Variants in DMXL2 observed in about 807,000 individuals in gnomAD.
DMXL2 encodes the protein Dmx like 2.
DMXL2 carries 103 observed loss-of-function variants against 331.1 expected under a neutral mutation model. The ratio of observed to expected loss-of-function variants is 0.31; its 90% CI spans 0.27 to 0.37. DMXL2 has a LOEUF of 0.37. Ranked by LOEUF, DMXL2 falls within the 10% of genes least tolerant of loss-of-function variation. The pLI is 1.00. For missense variants in DMXL2, 3,171 were observed against 3,642.9 expected, an observed-to-expected ratio of 0.87 and a Z score of 3.33; for synonymous variants, 1,281 against 1,252.1, an observed-to-expected ratio of 1.02 and a Z score of -0.49.
At chr15:51,619,069 G>A (rs1222991283) in intron 1 of DMXL2, among the ~76,000 whole-genome samples, 1 of 152,122 alleles carries the variant, frequency 6.6e-6, no homozygotes. Flanking sequence ...ATTTTAATAT[G>A]TGCAGTAAAG....
chr15:51,558,257 C>T (rs1041231102), intron 6 of DMXL2, among the ~76,000 whole-genome samples: 5 of 152,080 alleles, frequency 3.3e-5, no homozygotes, highest in Non-Finnish European at 7.4e-5. Context: ...TATTAAGTGC[C>T]TTCACTTCCC....
chr15:51,615,294 G>C (rs962519282), intron 1 of DMXL2, among the ~76,000 whole-genome samples: 25 of 152,176 alleles, frequency 1.6e-4, no homozygotes, highest in Admixed American at 1.2e-3. Context: ...GCTAAATGAA[G>C]ACAGTGTTTC....
chr15:51,469,644 C>T (rs1476218975), intron 29 of DMXL2, among the ~76,000 whole-genome samples: 1 of 152,014 alleles, frequency 6.6e-6, no homozygotes, highest in African/African-American at 2.4e-5. Flanking sequence ...CAGGAGGAAA[C>T]ATTTTTGAAA....
intron 13 of DMXL2, among the ~76,000 whole-genome samples, chr15:51,531,082 T>C (rs1372955250): frequency 6.6e-6 from 1 of 152,172 alleles, no homozygotes; most frequent in African/African-American, 2.4e-5. Flanking sequence ...AAAGCTATCC[T>C]AAGCAAAAAG....
intron 13 of DMXL2, among the ~76,000 whole-genome samples, chr15:51,517,628 T>C (rs1019827373): frequency 6.6e-6 from 1 of 152,350 alleles, no homozygotes; most frequent in African/African-American, 2.4e-5. Flanking sequence ...CAAAACTTTC[T>C]GCTAAAAAGA....
chr15:51,510,850 G>T (rs540581438), intron 15 of DMXL2, among the ~76,000 whole-genome samples: 2 of 152,236 alleles, frequency 1.3e-5, no homozygotes, highest in South Asian at 4.1e-4. Context: ...CAGATACATA[G>T]AACAATGGAA....
At chr15:51,565,610 T>C (rs984207209) in intron 3 of DMXL2, among the ~76,000 whole-genome samples, 1 of 152,250 alleles carries the variant, frequency 6.6e-6, no homozygotes, top group Non-Finnish European at 1.5e-5. Flanking sequence ...TATTGGTCTA[T>C]ACATCTGACT....
At chr15:51,489,861 C>T (rs2042668656) in intron 20 of DMXL2, among the ~76,000 whole-genome samples, 1 of 152,022 alleles carries the variant, frequency 6.6e-6, no homozygotes, top group South Asian at 2.1e-4. Context: ...GTACATATCC[C>T]TTTGATTTAA....
intron 19 of DMXL2, 42 bp downstream of exon 19, chr15:51,494,982 T>C: frequency 7.0e-7 from 1 of 1,431,540 alleles, no homozygotes; most frequent in Non-Finnish European, 9.8e-7. Flanking sequence ...GCTCCAATAT[T>C]AAGTAAAAGT....
chr15:51,553,272 T>G (rs1463321769), intron 6 of DMXL2, among the ~76,000 whole-genome samples: 1 of 152,222 alleles, frequency 6.6e-6, no homozygotes, highest in Non-Finnish European at 1.5e-5. Flanking sequence ...ATGGTGGTGT[T>G]CAAAAGAATA....
At chr15:51,589,001 A>G (rs2052081051) in intron 1 of DMXL2, among the ~76,000 whole-genome samples, 1 of 152,226 alleles carries the variant, frequency 6.6e-6, no homozygotes, top group African/African-American at 2.4e-5. Context: ...AAGCAGGCAC[A>G]GTATGTTCTT....
At chr15:51,568,622 C>T (rs2050450422) in intron 2 of DMXL2, 64 bp from the exon 3 acceptor site, 2 of 1,040,532 alleles carry the variant, frequency 1.9e-6, no homozygotes, top group East Asian at 5.4e-5. Flanking sequence ...TCTTCCTTTT[C>T]ATAATAATGT....
intron 13 of DMXL2, among the ~76,000 whole-genome samples, chr15:51,531,561 T>C (rs907932993): frequency 6.6e-6 from 1 of 151,754 alleles, no homozygotes; most frequent in Non-Finnish European, 1.5e-5. Flanking sequence ...AAGCATAGGA[T>C]ACAATCAGCA....
In DMXL2 at chr15:51,498,539, C is replaced by A; in HGVS notation, c.4672+13G>T. ...TAGGTACAACTTTATAAATTTTTAG[C>A]GAGAATATTTACCTGAGCAACTCTT... On this transcript the variant is annotated intron_variant, in intron 18 of 43. Coordinates refer to ENST00000560891, the MANE Select transcript of DMXL2 (RefSeq NM_001378457.1). 1 of 1,590,144 alleles carries A rather than the reference C, an allele frequency of 6.3e-7. No homozygotes were observed.
At chr15:51,564,302 A>G (rs1318175658) in intron 4 of DMXL2, 42 bp from the exon 5 acceptor site, 1 of 1,436,548 alleles carries the variant, frequency 7.0e-7, no homozygotes, top group Non-Finnish European at 9.3e-7. Flanking sequence ...CAAATATTAT[A>G]TAGGGAAATA....
intron 43 of DMXL2, 103 bp from the exon 44 acceptor site, chr15:51,449,296 C>A: frequency 9.5e-7 from 1 of 1,055,756 alleles, no homozygotes. Flanking sequence ...TAAAGCCCAA[C>A]CTTCCCACCC....
intron 13 of DMXL2, among the ~76,000 whole-genome samples, chr15:51,524,555 T>A (rs1423186584): frequency 6.6e-6 from 1 of 152,174 alleles, no homozygotes; most frequent in Non-Finnish European, 1.5e-5. Flanking sequence ...TCCCACACCC[T>A]GGCAGCAGCA....
At chr15:51,523,775 C>G (rs569465639) in intron 13 of DMXL2, among the ~76,000 whole-genome samples, 5 of 152,176 alleles carry the variant, frequency 3.3e-5, no homozygotes, top group Admixed American at 3.3e-4. Flanking sequence ...CTTGCCAACA[C>G]CTTGAATTTG....
intron 17 of DMXL2, among the ~76,000 whole-genome samples, chr15:51,502,165 G>A (rs1420707508): frequency 1.3e-5 from 2 of 151,044 alleles, no homozygotes; most frequent in African/African-American, 4.9e-5. Context: ...CCCGGGAGGT[G>A]GAGCTTGAAG....
Sources: gnomAD v4.1 joint callset for allele counts (sites outside exome capture counted in the v4.1 genomes callset) on GRCh38, gnomAD v4.1.1 for gene constraint, MANE v1.5 for transcripts, NCBI Gene and HGNC (gene_info 2026-07-23, HGNC 2026-07-21) for gene names.